GNGT1: variants seen among roughly 807,000 people sequenced by gnomAD.
GNGT1 encodes G protein subunit gamma transducin 1, also known as guanine nucleotide-binding protein G(T) subunit gamma-T1.
In GNGT1, 4 loss-of-function variants were observed where a neutral mutation model predicts 7.4. The observed-to-expected ratio is 0.54, with a 90% CI of 0.27 to 1.24. The LOEUF (loss-of-function observed/expected upper bound fraction) is 1.24, where lower values mean the gene tolerates loss of function less well. Among genes scored for constraint, GNGT1 ranks in the 50% most tolerant of loss-of-function variants. The probability of loss-of-function intolerance (pLI) is 0.12; values close to 1 mark genes in which losing one functional copy is unlikely to be tolerated. For synonymous variants in GNGT1, 37 were observed against 30.2 expected (o/e 1.23, Z -0.74); for missense variants, 95 against 82.4 (o/e 1.15, Z -0.59).
At chr7:93,907,028 G>A (rs944263546) in intron 2 of GNGT1, among the ~76,000 whole-genome samples, 186 bp downstream of exon 2, 7 of 151,944 alleles carry the variant, frequency 4.6e-5, no homozygotes, top group South Asian at 2.1e-4. Flanking sequence ...CTAAATCAAG[G>A]AGGTTGGCAA....
intron 2 of GNGT1, 78 bp downstream of exon 2, chr7:93,906,920 GAAAGGCTCAATGT>G: frequency 1.3e-6 from 1 of 757,294 alleles, no homozygotes; most frequent in Non-Finnish European, 2.2e-6. Flanking sequence ...ACATTGGCTG[GAAAGGCTCAATGT>G]AGTTACAAAT....
At chr7:93,909,109 G>A (rs532596236) in intron 2 of GNGT1, among the ~76,000 whole-genome samples, 6 of 151,968 alleles carry the variant, frequency 3.9e-5, no homozygotes, top group Admixed American at 2.0e-4. Flanking sequence ...TTTTGAGTAC[G>A]ACAAGTCTTT....
Position 93,910,964 on chromosome 7 carries a change from C to G in GNGT1, c.*46C>G. 7.3e-7 allele frequency: 1 copy of G among 1,365,918 alleles called. No homozygotes were observed. Among genetic ancestry groups the G allele is most frequent in the South Asian group, 1.4e-5 (1 of 70,764 alleles). The allele number at this position is 1,365,918 out of a possible 1,614,324, so 84.6% of individuals were successfully genotyped here. A position where few individuals can be genotyped will look rare whatever the true frequency, so the allele number is the denominator to read the frequency against. Reference sequence around the variant, plus strand: ...ATTAAACAAATTCTTGGAAATATCTCAAATGTTAATAACAATATGAATTTT... The same window carrying G: ...ATTAAACAAATTCTTGGAAATATCTGAAATGTTAATAACAATATGAATTTT... On this transcript the variant is annotated 3_prime_UTR_variant, in exon 3 of 3. Transcript: ENST00000248572.
At position 93,906,728 on chromosome 7, in the gene GNGT1, A is replaced by G. The variant is rs1451866284; in HGVS notation, c.-11-8A>G. ...TCATGCATAGCTGCTAACCTTCTAC[A>G]TCTTCAGCAGGCAAAAAGATGCCAG... On this transcript the variant is annotated splice_polypyrimidine_tract_variant and splice_region_variant and intron_variant, in intron 1 of 2. Transcript: ENST00000248572. The G allele has an allele frequency of 6.7e-7, 1 of 1,488,050 alleles. No homozygotes were observed. Among genetic ancestry groups the G allele is most frequent in the Non-Finnish European group, 9.3e-7 (1 of 1,072,808 alleles). 92.2% of individuals were successfully genotyped at this position (1,488,050 alleles called of 1,614,324 possible).
At chr7:93,908,378 G>T (rs889852291) in intron 2 of GNGT1, among the ~76,000 whole-genome samples, 1 of 151,710 alleles carries the variant, frequency 6.6e-6, no homozygotes, top group African/African-American at 2.4e-5. Flanking sequence ...TGGAAGCTGG[G>T]GCATCCAAGA....
intron 2 of GNGT1, chr7:93,909,402 G>A (rs1042675883): frequency 9.0e-6 from 6 of 667,408 alleles, no homozygotes; most frequent in Non-Finnish European, 1.6e-5. Flanking sequence ...TTTATATTAA[G>A]CATCACTGAA....
chr7:93,907,004 T>C (rs917941421), intron 2 of GNGT1, among the ~76,000 whole-genome samples, 162 bp downstream of exon 2: 18 of 152,022 alleles, frequency 1.2e-4, no homozygotes, highest in Non-Finnish European at 8.8e-5. Flanking sequence ...CATAACTATC[T>C]CTTGATTTAG....
intron 2 of GNGT1, among the ~76,000 whole-genome samples, chr7:93,908,374 C>T (rs1202211914): frequency 6.6e-6 from 1 of 151,910 alleles, no homozygotes; most frequent in Non-Finnish European, 1.5e-5. Context: ...GCTCTGGAAG[C>T]TGGGGCATCC....
At position 93,910,765 on chromosome 7, in the gene GNGT1, T is replaced by C. The variant is rs1166683816; in HGVS notation, c.97-25T>C. 3.2e-6 allele frequency: 5 copies of C among 1,553,276 alleles called. No homozygotes were observed. The African/African-American group carries it at 6.9e-5, about 21-fold the overall frequency. On this transcript the variant is annotated intron_variant, in intron 2 of 2. Transcript: ENST00000248572. ...AGTATTCTGTTTTAAACCAAATGAG[T>C]CATCCCTTTTTCCTTCCCCTTAAGG...
intron 2 of GNGT1, chr7:93,910,119 T>C (rs910248843): frequency 1.3e-5 from 2 of 152,198 alleles, no homozygotes; most frequent in Admixed American, 6.5e-5. Flanking sequence ...AAGGCCTGAT[T>C]TTTTACTAAA....
intron 2 of GNGT1, among the ~76,000 whole-genome samples, chr7:93,908,154 G>T (rs374860269): frequency 6.6e-6 from 1 of 151,972 alleles, no homozygotes; most frequent in Non-Finnish European, 1.5e-5. Flanking sequence ...AGGCTTTGGG[G>T]TTCCTTTTCC....
chr7:93,910,986 T>A lies in GNGT1; in HGVS notation c.*68T>A. ...TCTCAAATGTTAATAACAATATGAATTTTTCTCATGCATACTATTACTACT... is the reference window on the plus strand; with the variant it reads ...TCTCAAATGTTAATAACAATATGAAATTTTCTCATGCATACTATTACTACT... On this transcript the variant is annotated 3_prime_UTR_variant, in exon 3 of 3. Coordinates refer to ENST00000248572, the MANE Select transcript of GNGT1 (RefSeq NM_021955.5). The A allele has an allele frequency of 8.7e-7, 1 of 1,152,416 alleles. No individual in the cohort carries two copies. Among genetic ancestry groups the A allele is most frequent in the Middle Eastern group, 2.1e-4 (1 of 4,804 alleles). 71.4% of individuals were successfully genotyped at this position (1,152,416 alleles called of 1,614,324 possible).
chr7:93,906,757 T>C lies in GNGT1; in HGVS notation c.11T>C (p.Ile4Thr). 1.3e-6 allele frequency: 2 copies of C among 1,597,092 alleles called. No individual in the cohort carries two copies. Among genetic ancestry groups the C allele is most frequent in the African/African-American group, 1.3e-5 (1 of 74,178 alleles). ...TCAGCAGGCAAAAAGATGCCAGTAA[T>C]CAATATTGAGGACCTGACAGAAAAG... MPV[I>T]NIEDLTEKDK... The change falls in exon 2 of 3, where the codon ATC becomes ACC. Residue 4 changes from isoleucine (I) to threonine (T), a missense_variant. Ile to Thr is a moderately conservative substitution (Grantham distance 89, BLOSUM62 -1). Coordinates refer to ENST00000248572, the MANE Select transcript of GNGT1 (RefSeq NM_021955.5).
intron 2 of GNGT1, among the ~76,000 whole-genome samples, chr7:93,907,401 C>A (rs917121095): frequency 3.9e-5 from 6 of 151,948 alleles, no homozygotes; most frequent in African/African-American, 1.5e-4. Context: ...GATGTCAACC[C>A]CTCTCCACTG....
chr7:93,908,998 C>T (rs770625304), intron 2 of GNGT1, among the ~76,000 whole-genome samples: 1 of 152,124 alleles, frequency 6.6e-6, no homozygotes, highest in Non-Finnish European at 1.5e-5. Flanking sequence ...GCTCTGAGAA[C>T]AATGCCTGGT....
intron 2 of GNGT1, 76 bp from the exon 3 acceptor site, chr7:93,910,714 G>T: frequency 9.9e-7 from 1 of 1,008,840 alleles, no homozygotes; most frequent in African/African-American, 1.6e-5. Context: ...AAAATTTATT[G>T]TAATAAATAA....
chr7:93,908,870 T>C (rs1432497617), intron 2 of GNGT1, among the ~76,000 whole-genome samples: 1 of 152,110 alleles, frequency 6.6e-6, no homozygotes, highest in Non-Finnish European at 1.5e-5. Context: ...TTTTTGCCTG[T>C]GCAACCCTCA....
At chr7:93,908,810 G>A (rs572849586) in intron 2 of GNGT1, among the ~76,000 whole-genome samples, 66 of 152,008 alleles carry the variant, frequency 4.3e-4, no homozygotes, top group African/African-American at 1.5e-3. Context: ...TGGTTAATTG[G>A]ATATACTCTG....
chr7:93,908,817 T>G (rs1203460716), intron 2 of GNGT1, among the ~76,000 whole-genome samples: 1 of 152,046 alleles, frequency 6.6e-6, no homozygotes, highest in Non-Finnish European at 1.5e-5. Flanking sequence ...TTGGATATAC[T>G]CTGAAACCAT....
Sources: gnomAD v4.1 joint callset for allele counts (sites outside exome capture counted in the v4.1 genomes callset) on GRCh38, gnomAD v4.1.1 for gene constraint, MANE v1.5 for transcripts, NCBI Gene and HGNC (gene_info 2026-07-23, HGNC 2026-07-21) for gene names.